Variants in MUC4 observed in about 807,000 individuals in gnomAD.
The protein encoded by MUC4 is mucin-4.
Under a neutral mutation model 257.9 loss-of-function variants are expected in MUC4, and 202 were observed. That is an observed-to-expected ratio of 0.78 (90% CI 0.70 to 0.88). The LOEUF (loss-of-function observed/expected upper bound fraction) is 0.88, where lower values mean the gene tolerates loss of function less well. Among genes scored for constraint, MUC4 ranks in the 40% least tolerant of loss-of-function variants. The pLI, the probability that MUC4 is intolerant of heterozygous loss-of-function variation, is 0.00. For synonymous variants in MUC4, 2,351 were observed against 2,757.1 expected (o/e 0.85, Z 4.62); for missense variants, 5,976 against 6,513.7 (o/e 0.92, Z 2.84).
chr3:195,760,469 G>GC (rs879369914), intron 16 of MUC4, among the ~76,000 whole-genome samples: 1,909 of 150,480 alleles, frequency 0.013, 589 homozygotes, highest in East Asian at 0.028. Flanking sequence ...AGCTGGGAAG[G>GC]GGTCCAGCGC....
Position 195,778,795 on chromosome 3 carries a change from G to C in MUC4, c.12785C>G (p.Thr4262Arg), listed in dbSNP as rs901294491. 2 of 1,609,904 alleles carry C rather than the reference G, an allele frequency of 1.2e-6. No homozygotes were observed. Among genetic ancestry groups the C allele is most frequent in the Non-Finnish European group, 1.7e-6 (2 of 1,178,034 alleles). Residue 4262 changes from threonine (T) to arginine (R), a missense_variant, in exon 2 of 25, where the codon ACA (threonine) becomes AGA (arginine). Physicochemically the swap from Thr to Arg is moderately conservative, Grantham distance 71 (BLOSUM62 -1). This residue lies in a region of MUC4 where 233 missense variants were observed against 171.2 expected (regional missense o/e 1.36). Transcript: ENST00000463781. ...VSSDSPLKMETPGMTTPSLKT... is the reference protein window; with the variant it reads ...VSSDSPLKMERPGMTTPSLKT... ...GCGAGGCAGTTGGCAGCTACCTGGT[G>C]TTTCCATCTTCAGAGGGGAGTCCGA...
Position 195,790,696 on chromosome 3 carries a change from G to A in MUC4, c.884C>T (p.Ala295Val), listed in dbSNP as rs760083986. 14 of 1,613,900 alleles carry A rather than the reference G, an allele frequency of 8.7e-6. No homozygotes were observed. In the South Asian group the frequency reaches 1.5e-4, roughly 18 times the overall value. ...TTCTGGATCAAATGTTACTAAGGCT[G>A]CTGAGGTGACTGGCATAAGACTTCC... ...VTGSLMPVTSAALVTFDPEGQ... is the reference protein window; with the variant it reads ...VTGSLMPVTSVALVTFDPEGQ... Residue 295 changes from alanine to valine, a missense_variant, in exon 2 of 25, where the codon GCA becomes GTA. Ala to Val is a moderately conservative substitution (Grantham distance 64). Transcript: ENST00000463781.
Position 195,782,413 on chromosome 3 carries a change from G to T in MUC4, c.9167C>A (p.Pro3056His), listed in dbSNP as rs1408717855. 5.7e-6 allele frequency: 8 copies of T among 1,399,226 alleles called. No individual in the cohort carries two copies. The Admixed American group carries it at 1.3e-4, about 23-fold the overall frequency. 86.7% of individuals were successfully genotyped at this position (1,399,226 alleles called of 1,614,324 possible). The change falls in exon 2 of 25, where the codon CCT becomes CAT. Residue 3056 changes from proline to histidine, a missense_variant. Pro to His is a moderately conservative substitution (Grantham distance 77). Coordinates refer to ENST00000463781, the MANE Select transcript of MUC4 (RefSeq NM_018406.7). Reference sequence around the variant, plus strand: ...TGAGGAAGGGCTGGTGACATGAAGAGGGTTGGCGTGACCTGTGGATGCTGA... The same window carrying T: ...TGAGGAAGGGCTGGTGACATGAAGATGGTTGGCGTGACCTGTGGATGCTGA... Reference protein sequence around the residue: ...TSSASTGHANPLHVTSPSSAS... With the variant: ...TSSASTGHANHLHVTSPSSAS...
In MUC4 at chr3:195,746,927, A is replaced by G. The variant is rs1715149184; in HGVS notation, c.*249T>C. 1 of 605,000 alleles carries G rather than the reference A, an allele frequency of 1.7e-6. No individual in the cohort carries two copies. The highest frequency in any genetic ancestry group is 2.9e-6 in the Non-Finnish European group (1 of 343,392). The allele number at this position is 605,000 out of a possible 1,614,324, so 37.5% of individuals were successfully genotyped here. A position where few individuals can be genotyped will look rare whatever the true frequency, so the allele number is the denominator to read the frequency against. ...GTGTGCACGCGCGCGTGCACAGGCT[A>G]GTGTCCTTCTGTGGGTGTGTCTGCG... On this transcript the variant is annotated 3_prime_UTR_variant, in exon 25 of 25. Coordinates refer to ENST00000463781, the MANE Select transcript of MUC4 (RefSeq NM_018406.7).
intron 13 of MUC4, 49 bp from the exon 14 acceptor site, chr3:195,762,303 C>T (rs547607945): frequency 2.0e-6 from 3 of 1,513,960 alleles, no homozygotes; most frequent in East Asian, 4.9e-5. Context: ...GCACCACGGC[C>T]CGCACCAAAC....
Position 195,811,871 on chromosome 3 carries a change from T to G in MUC4, c.-54A>C. ...TGGGGAAGCTCCACGGCCCAGCAGC[T>G]GCAGTGTGAGGAGCAGACGTGAGCC... On this transcript the variant is annotated 5_prime_UTR_variant, in exon 1 of 25. Coordinates refer to ENST00000463781, the MANE Select transcript of MUC4 (RefSeq NM_018406.7). 1.3e-6 allele frequency: 2 copies of G among 1,574,918 alleles called. No homozygotes were observed. Among genetic ancestry groups the G allele is most frequent in the Non-Finnish European group, 1.7e-6 (2 of 1,147,448 alleles).
chr3:195,759,699 A>C (rs1255682596), intron 16 of MUC4, among the ~76,000 whole-genome samples: 1 of 152,214 alleles, frequency 6.6e-6, no homozygotes, highest in Middle Eastern at 3.4e-3. Context: ...GCCGGTGGAT[A>C]ACCTGAGGTC....
At chr3:195,767,539 AT>A (rs1315191437) in intron 7 of MUC4, among the ~76,000 whole-genome samples, 33 of 124,928 alleles carry the variant, frequency 2.6e-4, no homozygotes, top group African/African-American at 1.4e-3. Context: ...CGCCACCACC[AT>A]CATCACCATC....
intron 7 of MUC4, among the ~76,000 whole-genome samples, chr3:195,767,658 C>T (rs1721342034): frequency 2.5e-5 from 2 of 80,596 alleles, no homozygotes; most frequent in Non-Finnish European, 4.3e-5. Context: ...CCACCACCAC[C>T]ACCACCATCA....
intron 8 of MUC4, 58 bp from the exon 9 acceptor site, chr3:195,765,507 C>T: frequency 6.5e-7 from 1 of 1,540,476 alleles, no homozygotes; most frequent in Non-Finnish European, 8.8e-7. Flanking sequence ...CAGGCCCTGT[C>T]TCAGCTTTAG....
At chr3:195,767,633 C>CCACCAT (rs1721302402) in intron 7 of MUC4, among the ~76,000 whole-genome samples, 1 of 113,504 alleles carries the variant, frequency 8.8e-6, no homozygotes, top group Non-Finnish European at 1.7e-5. Flanking sequence ...ACCACCATCA[C>CCACCAT]CACCACCATC....
rs1225112938 is a variant in MUC4 at position 195,783,527 on chromosome 3, G to A, written c.8053C>T (p.His2685Tyr). The A allele has an allele frequency of 2.3e-5, 11 of 470,346 alleles. 2 individuals carry two copies. The highest frequency in any genetic ancestry group is 8.9e-5 in the Admixed American group (2 of 22,508). 29.1% of individuals were successfully genotyped at this position (470,346 alleles called of 1,614,324 possible). The change falls in exon 2 of 25, where the codon CAT becomes TAT. Residue 2685 changes from histidine to tyrosine, a missense_variant. Around this residue, in one of 44 missense-constraint regions of MUC4, gnomAD observed 75 missense variants for 58.7 expected, o/e 1.28. Transcript: ENST00000463781. ...TCGGTGACAGGAAGAGAGGTGGCATGACCGGTGGATGCTGAGGAAGGGCTA... is the reference window on the plus strand; with the variant it reads ...TCGGTGACAGGAAGAGAGGTGGCATAACCGGTGGATGCTGAGGAAGGGCTA... ...VTSPSSASTG[H>Y]ATSLPVTDTS...
intron 16 of MUC4, among the ~76,000 whole-genome samples, chr3:195,759,950 G>A (rs915252280): frequency 7.1e-5 from 3 of 42,544 alleles, no homozygotes; most frequent in African/African-American, 1.7e-4. Context: ...AAACCTGGAG[G>A]GTCACATCTA....
chr3:195,767,700 A>C (rs796203883), intron 7 of MUC4, among the ~76,000 whole-genome samples: 1,135 of 2,816 alleles, frequency 0.4, 171 homozygotes, highest in Middle Eastern at 0.75. Flanking sequence ...ACCCCCCAAA[A>C]AATACCACCA....
intron 1 of MUC4, among the ~76,000 whole-genome samples, chr3:195,800,751 AT>A (rs1735190594): frequency 6.6e-6 from 1 of 152,128 alleles, no homozygotes; most frequent in Non-Finnish European, 1.5e-5. Flanking sequence ...ATGGAGAATG[AT>A]TTTTGGTAAG....
At position 195,785,163 on chromosome 3, in the gene MUC4, T is replaced by G. The variant is rs1730905936; in HGVS notation, c.6417A>C (p.Thr2139=). 1 of 1,544,520 alleles carries G rather than the reference T, an allele frequency of 6.5e-7. No homozygotes were observed. Among genetic ancestry groups the G allele is most frequent in the Non-Finnish European group, 8.7e-7 (1 of 1,143,048 alleles). The change falls in exon 2 of 25, where the codon ACA becomes ACC. Residue 2139 remains threonine (T), a synonymous_variant. Coordinates refer to ENST00000463781, the MANE Select transcript of MUC4 (RefSeq NM_018406.7). ...TGACAGGAAGAGGGGTGGTGTCACC[T>G]GTGGATGTTGAGGAAGGGCTGGTGA... ...LPVTSPSSTS[T]GDTTPLPVTE...
At chr3:195,754,968 A>G (rs1439061196) in intron 18 of MUC4, among the ~76,000 whole-genome samples, 2 of 151,914 alleles carry the variant, frequency 1.3e-5, no homozygotes, top group African/African-American at 4.8e-5. Flanking sequence ...CCATGTGTGT[A>G]TGTATCCATG....
At chr3:195,775,897 T>A (rs1461382351) in intron 3 of MUC4, among the ~76,000 whole-genome samples, 1 of 121,978 alleles carries the variant, frequency 8.2e-6, no homozygotes, top group African/African-American at 3.8e-5. Context: ...CACCCATACC[T>A]TCCACACCCA....
At position 195,774,230 on chromosome 3, in the gene MUC4, G is replaced by A; in HGVS notation, c.13019C>T (p.Pro4340Leu). ...FVRRTVDFTS[P>L]LFKPATGFPL... ...GAAGCCAGTCGCCGGCTTGAAGAGT[G>A]GGGAGGTGAAGTCCACGGTCCTCCT... The change falls in exon 4 of 25, where the codon CCA becomes CTA. Residue 4340 changes from proline (P) to leucine (L), a missense_variant. Physicochemically the swap from Pro to Leu is moderately conservative, Grantham distance 98. This residue lies in a region of MUC4 where 233 missense variants were observed against 171.2 expected (regional missense o/e 1.36). Coordinates refer to ENST00000463781, the MANE Select transcript of MUC4 (RefSeq NM_018406.7). 4.4e-6 allele frequency: 7 copies of A among 1,607,720 alleles called. No homozygotes were observed. Among genetic ancestry groups the A allele is most frequent in the Non-Finnish European group, 5.9e-6 (7 of 1,177,242 alleles).
Sources: gnomAD v4.1 joint callset for allele counts (sites outside exome capture counted in the v4.1 genomes callset) on GRCh38, gnomAD v4.1.1 for gene constraint, gnomAD v4.1.1 regional missense constraint, MANE v1.5 for transcripts, NCBI Gene and HGNC (gene_info 2026-07-23, HGNC 2026-07-21) for gene names.